The following BBS9 variants were observed in gnomAD, a reference collection of about 807,000 sequenced individuals.
BBS9 encodes the protein Bardet-Biedl syndrome 9.
A neutral mutation model predicts 117.7 loss-of-function variants in BBS9; 89 were observed. The observed-to-expected ratio is 0.76, with a 90% CI of 0.64 to 0.90. The LOEUF (loss-of-function observed/expected upper bound fraction) is 0.90, where lower values mean the gene tolerates loss of function less well. Among genes scored for constraint, BBS9 ranks in the 40% least tolerant of loss-of-function variants. The pLI, the probability that BBS9 is intolerant of heterozygous loss-of-function variation, is 0.00. For synonymous variants in BBS9, 379 were observed against 370.9 expected (o/e 1.02, Z -0.25); for missense variants, 982 against 1,042.2 (o/e 0.94, Z 0.80).
chr7:33,433,796 G>C (rs1834880749), intron 19 of BBS9, among the ~76,000 whole-genome samples: 1 of 151,946 alleles, frequency 6.6e-6, no homozygotes, highest in Admixed American at 6.6e-5. Flanking sequence ...TTATTTTACA[G>C]ATAATCATTA....
intron 2 of BBS9, among the ~76,000 whole-genome samples, chr7:33,148,813 G>T (rs1792834171): frequency 6.6e-6 from 1 of 151,716 alleles, no homozygotes; most frequent in Non-Finnish European, 1.5e-5. Context: ...TGTACAGACA[G>T]TGTCTCCTTG....
At chr7:33,600,033 G>A (rs1292890751) in intron 21 of BBS9, among the ~76,000 whole-genome samples, 1 of 152,152 alleles carries the variant, frequency 6.6e-6, no homozygotes, top group East Asian at 1.9e-4. Context: ...GCCACAAGGA[G>A]TTTGCTGGTA....
At chr7:33,427,059 G>A (rs983891732) in intron 19 of BBS9, among the ~76,000 whole-genome samples, 5 of 152,120 alleles carry the variant, frequency 3.3e-5, no homozygotes, top group Non-Finnish European at 1.5e-5. Flanking sequence ...GGTTCCCTAA[G>A]CTCAGGGTTC....
chr7:33,346,376 T>TCTATTCCA (rs1817600300), intron 12 of BBS9: 1 of 385,378 alleles, frequency 2.6e-6, no homozygotes, highest in Non-Finnish European at 5.2e-6. Context: ...ACTAGGCGAG[T>TCTATTCCA]GGTTGTTCAT....
intron 19 of BBS9, among the ~76,000 whole-genome samples, chr7:33,453,001 A>T (rs1290683366): frequency 6.6e-6 from 1 of 152,218 alleles, no homozygotes; most frequent in African/African-American, 2.4e-5. Flanking sequence ...TTAAGAAGGC[A>T]GTGGAGTTGG....
intron 19 of BBS9, among the ~76,000 whole-genome samples, chr7:33,416,704 T>C (rs117035409): frequency 0.016 from 2,374 of 152,292 alleles, 26 homozygotes; most frequent in Admixed American, 0.022. Context: ...TTAAGGAGTC[T>C]ATAATCTATG....
At chr7:33,322,214 G>A (rs1288332004) in intron 9 of BBS9, among the ~76,000 whole-genome samples, 1 of 151,766 alleles carries the variant, frequency 6.6e-6, no homozygotes, top group African/African-American at 2.4e-5. Context: ...TTATTTTGGT[G>A]TCAGGATAAT....
chr7:33,357,629 A>C (rs1819845004), intron 15 of BBS9: 2 of 601,214 alleles, frequency 3.3e-6, no homozygotes, highest in Admixed American at 2.5e-5. Context: ...GACAGATCTC[A>C]TGTCTATGCT....
intron 19 of BBS9, among the ~76,000 whole-genome samples, chr7:33,499,562 C>T (rs905112866): frequency 6.6e-6 from 1 of 152,146 alleles, no homozygotes; most frequent in Non-Finnish European, 1.5e-5. Context: ...AAGCTGAAAC[C>T]TGCAATTGGG....
At chr7:33,488,330 T>G (rs541107696) in intron 19 of BBS9, among the ~76,000 whole-genome samples, 2 of 74,408 alleles carry the variant, frequency 2.7e-5, no homozygotes, top group South Asian at 1.0e-3. Context: ...ATACCCTTAT[T>G]AGCCTTCCCT....
intron 5 of BBS9, among the ~76,000 whole-genome samples, chr7:33,237,717 A>G (rs760571054): frequency 2.0e-5 from 3 of 152,160 alleles, no homozygotes; most frequent in South Asian, 4.1e-4. Context: ...CTGAAAGCCC[A>G]TTTGGCTAAT....
At chr7:33,410,105 A>G (rs781438864) in intron 19 of BBS9, among the ~76,000 whole-genome samples, 3 of 152,140 alleles carry the variant, frequency 2.0e-5, no homozygotes, top group African/African-American at 4.8e-5. Flanking sequence ...AACTGGGGCC[A>G]TTTCTTTGCT....
intron 19 of BBS9, among the ~76,000 whole-genome samples, chr7:33,475,842 A>G (rs548980112): frequency 2.0e-5 from 3 of 152,302 alleles, no homozygotes; most frequent in Admixed American, 1.3e-4. Flanking sequence ...TCTACTGACA[A>G]TCACATCATA....
intron 19 of BBS9, among the ~76,000 whole-genome samples, chr7:33,500,511 A>G (rs1337978427): frequency 6.6e-6 from 1 of 152,204 alleles, no homozygotes; most frequent in Non-Finnish European, 1.5e-5. Context: ...GTGGGGGGAC[A>G]GGGGGTCAGC....
intron 20 of BBS9, among the ~76,000 whole-genome samples, chr7:33,521,183 C>T (rs1239496145): frequency 1.3e-5 from 2 of 152,130 alleles, no homozygotes; most frequent in Non-Finnish European, 2.9e-5. Flanking sequence ...TTGTGTTCCT[C>T]CATCTAAAGA....
In BBS9 at chr7:33,605,272, C is replaced by T. The variant is rs1378401701; in HGVS notation, c.*46C>T. ...TGAGAGGAACATCCCCATCTCAAGGCCGAACCTGTGTGAACCTCATGCCAA... is the reference window on the plus strand; with the variant it reads ...TGAGAGGAACATCCCCATCTCAAGGTCGAACCTGTGTGAACCTCATGCCAA... On this transcript the variant is annotated 3_prime_UTR_variant, in exon 23 of 23. Transcript: ENST00000242067. 1.3e-6 allele frequency: 2 copies of T among 1,580,534 alleles called. No individual in the cohort carries two copies. Among genetic ancestry groups the T allele is most frequent in the Non-Finnish European group, 1.7e-6 (2 of 1,149,528 alleles).
chr7:33,621,318 C>T (rs958044235), intron 21 of BBS9, among the ~76,000 whole-genome samples: 3 of 152,062 alleles, frequency 2.0e-5, no homozygotes, highest in Non-Finnish European at 4.4e-5. Context: ...ATCCAAAATA[C>T]ATAAGGGACA....
intron 9 of BBS9, among the ~76,000 whole-genome samples, chr7:33,316,060 T>C (rs1810440277): frequency 6.6e-6 from 1 of 152,184 alleles, no homozygotes; most frequent in Non-Finnish European, 1.5e-5. Context: ...TCTCAAGTTA[T>C]AGAACATTTC....
chr7:33,545,989 A>C (rs531257780), intron 21 of BBS9, among the ~76,000 whole-genome samples: 114 of 118,406 alleles, frequency 9.6e-4, no homozygotes, highest in Non-Finnish European at 1.6e-3. Flanking sequence ...GCTGGAGTGC[A>C]GTAGCGTGAT....
Sources: allele counts gnomAD v4.1 joint callset (sites outside exome capture counted in the v4.1 genomes callset), GRCh38; gene constraint gnomAD v4.1.1; transcripts MANE v1.5; gene names NCBI Gene and HGNC (gene_info 2026-07-23, HGNC 2026-07-21).